CDC123: variants seen among roughly 807,000 people sequenced by gnomAD.
CDC123 encodes the protein cell division cycle 123, also known as translation initiation factor eIF2 assembly protein.
A neutral mutation model predicts 54.4 loss-of-function variants in CDC123; 37 were observed. That is an observed-to-expected ratio of 0.68 (90% CI 0.52 to 0.89). CDC123 has a LOEUF of 0.89. Among genes scored for constraint, CDC123 ranks in the 40% least tolerant of loss-of-function variants. The pLI, the probability that CDC123 is intolerant of heterozygous loss-of-function variation, is 0.00. For synonymous variants in CDC123, 144 were observed against 136.8 expected, an observed-to-expected ratio of 1.05 and a Z score of -0.37; for missense variants, 361 against 412.1, an observed-to-expected ratio of 0.88 and a Z score of 1.07.
rs925966583 is a variant in CDC123 at position 12,226,211 on chromosome 10, TCCC to T, written c.441-4732_441-4730del. The stretch of plus-strand genomic sequence containing the variant: ...GATTTCTCTTTCCTTTCCCCACACT[TCCC>T]CCCCTTCCACTCAACAAAACCGCCA... On this transcript the variant is annotated intron_variant, in intron 6 of 12. Transcript: ENST00000281141. 7.5e-4 allele frequency among the ~76,000 whole-genome samples: 114 copies of T among 151,928 alleles called. 1 individual carries two copies. The highest frequency in any genetic ancestry group is 1.9e-4 in the Non-Finnish European group (13 of 67,930).
At chr10:12,212,323 A>G (rs925344731) in intron 4 of CDC123, among the ~76,000 whole-genome samples, 7 of 152,198 alleles carry the variant, frequency 4.6e-5, no homozygotes, top group Non-Finnish European at 8.8e-5. Context: ...GGATTGGGAA[A>G]GTAAAAATGA....
intron 2 of CDC123, among the ~76,000 whole-genome samples, chr10:12,205,982 A>T (rs1835514088): frequency 6.6e-6 from 1 of 152,038 alleles, no homozygotes; most frequent in South Asian, 2.1e-4. Context: ...TTGTATTTTT[A>T]GTAGAGATGG....
chr10:12,227,401 C>G (rs11598305), intron 6 of CDC123, among the ~76,000 whole-genome samples: 11 of 152,010 alleles, frequency 7.2e-5, no homozygotes, highest in African/African-American at 1.9e-4. Context: ...CTCTTACATT[C>G]ATTGGAACGT....
In CDC123 at chr10:12,224,969, T is replaced by G. The variant is rs146411111; in HGVS notation, c.441-5979T>G. On this transcript the variant is annotated intron_variant, in intron 6 of 12. Transcript: ENST00000281141. ...AGTTTGATGCTTCCTTCCTTTTCCCTATTTCTTCCTTTCCCCAAGAATGGT... is the reference window on the plus strand; with the variant it reads ...AGTTTGATGCTTCCTTCCTTTTCCCGATTTCTTCCTTTCCCCAAGAATGGT... Among the ~76,000 whole-genome samples, 1,324 of 152,248 alleles carry G rather than the reference T, an allele frequency of 8.7e-3. 21 individuals carry two copies. The highest frequency in any genetic ancestry group is 0.029 in the African/African-American group (1,208 of 41,546).
chr10:12,226,167 A>G (rs1241858659), intron 6 of CDC123, among the ~76,000 whole-genome samples: 1 of 152,180 alleles, frequency 6.6e-6, no homozygotes, highest in Non-Finnish European at 1.5e-5. Flanking sequence ...TTCTTTCTAC[A>G]CAGACACAGC....
chr10:12,199,036 C>T (rs1370117410), intron 2 of CDC123, among the ~76,000 whole-genome samples: 1 of 152,176 alleles, frequency 6.6e-6, no homozygotes, highest in Non-Finnish European at 1.5e-5. Context: ...ATGATGACAA[C>T]TTTTCCTTCT....
chr10:12,227,786 G>A (rs568197765), intron 6 of CDC123, among the ~76,000 whole-genome samples: 41 of 151,974 alleles, frequency 2.7e-4, no homozygotes, highest in Admixed American at 7.2e-4. Context: ...GTGAGTCACC[G>A]CACCCAGTCC....
chr10:12,228,929 G>A (rs1437953593), intron 6 of CDC123, among the ~76,000 whole-genome samples: 1 of 151,982 alleles, frequency 6.6e-6, no homozygotes, highest in Non-Finnish European at 1.5e-5. Flanking sequence ...TGCTCAGACT[G>A]GTCTCGAGTT....
intron 6 of CDC123, among the ~76,000 whole-genome samples, chr10:12,220,934 G>A (rs897499391): frequency 2.6e-5 from 4 of 151,314 alleles, no homozygotes; most frequent in South Asian, 2.1e-4. Context: ...CTGAGATCGC[G>A]CCACTGCACT....
chr10:12,225,285 C>T (rs1341676388), intron 6 of CDC123, among the ~76,000 whole-genome samples: 2 of 152,094 alleles, frequency 1.3e-5, no homozygotes, highest in Non-Finnish European at 2.9e-5. Flanking sequence ...ATCCCAGCTA[C>T]TTGGGAGGCT....
intron 6 of CDC123, 99 bp from the exon 7 acceptor site, chr10:12,230,849 T>C: frequency 1.8e-6 from 2 of 1,112,438 alleles, no homozygotes; most frequent in Admixed American, 2.3e-5. Flanking sequence ...TGGATGCTTT[T>C]AGTAAAACGT....
At chr10:12,219,301 T>C (rs1357112440) in intron 6 of CDC123, among the ~76,000 whole-genome samples, 2 of 152,118 alleles carry the variant, frequency 1.3e-5, no homozygotes, top group Admixed American at 1.3e-4. Flanking sequence ...GGATTTTACT[T>C]GTATTGGTAT....
At chr10:12,237,328 T>G in intron 9 of CDC123, 62 bp downstream of exon 9, 1 of 1,351,788 alleles carries the variant, frequency 7.4e-7, no homozygotes, top group Non-Finnish European at 9.8e-7. Flanking sequence ...CTGGACCTTA[T>G]TTACTATGGT....
chr10:12,223,317 GCT>G (rs1835762055), intron 6 of CDC123, among the ~76,000 whole-genome samples: 1 of 151,362 alleles, frequency 6.6e-6, no homozygotes. Flanking sequence ...ACAGAGTCTC[GCT>G]CTGTCACCCA....
intron 6 of CDC123, among the ~76,000 whole-genome samples, chr10:12,221,848 T>C (rs1835741817): frequency 6.6e-6 from 1 of 152,156 alleles, no homozygotes; most frequent in South Asian, 2.1e-4. Context: ...GTATTTTATA[T>C]GTGGCCCAAG....
chr10:12,203,856 G>A (rs1835477984), intron 2 of CDC123, among the ~76,000 whole-genome samples: 1 of 152,158 alleles, frequency 6.6e-6, no homozygotes, highest in Admixed American at 6.5e-5. Context: ...ACTTTAGGAG[G>A]CGGAGGTAAG....
intron 10 of CDC123, among the ~76,000 whole-genome samples, chr10:12,240,008 A>AC (rs1836036207): frequency 1.5e-5 from 1 of 67,508 alleles, no homozygotes; most frequent in Non-Finnish European, 3.8e-5. Context: ...ACTCCGTCTC[A>AC]AAAAAAAAAA....
At chr10:12,243,902 A>G (rs548798793) in intron 10 of CDC123, among the ~76,000 whole-genome samples, 32 of 152,328 alleles carry the variant, frequency 2.1e-4, no homozygotes, top group Admixed American at 3.9e-4. Flanking sequence ...AGTTGACATC[A>G]TTACCAAGAA....
intron 2 of CDC123, among the ~76,000 whole-genome samples, chr10:12,204,822 G>A (rs1241034300): frequency 6.6e-6 from 1 of 151,576 alleles, no homozygotes. Context: ...GTGAAACCCC[G>A]TCTCAACTAA....
Sources: gnomAD v4.1 joint callset for allele counts (sites outside exome capture counted in the v4.1 genomes callset) on GRCh38, gnomAD v4.1.1 for gene constraint, MANE v1.5 for transcripts, NCBI Gene and HGNC (gene_info 2026-07-23, HGNC 2026-07-21) for gene names.